PTPN4: variants seen among roughly 807,000 people sequenced by gnomAD.
The protein encoded by PTPN4 is protein tyrosine phosphatase non-receptor type 4, also known as tyrosine-protein phosphatase non-receptor type 4.
PTPN4 carries 49 observed loss-of-function variants against 135.5 expected under a neutral mutation model. That is an observed-to-expected ratio of 0.36 (90% confidence interval 0.29 to 0.46). PTPN4 has a LOEUF of 0.46. Ranked by LOEUF, PTPN4 falls within the 20% of genes least tolerant of loss-of-function variation. PTPN4 has a pLI of 1.00. For synonymous variants in PTPN4, 333 were observed against 369.9 expected (o/e 0.90, Z 1.14); for missense variants, 860 against 1,101.0 (o/e 0.78, Z 3.10).
chr2:119,927,767 G>A (rs1394230381), intron 13 of PTPN4, among the ~76,000 whole-genome samples: 1 of 152,176 alleles, frequency 6.6e-6, no homozygotes, highest in Non-Finnish European at 1.5e-5. Context: ...TTAGAGGCTT[G>A]AGTTTTAATA....
intron 2 of PTPN4, among the ~76,000 whole-genome samples, chr2:119,859,179 C>T (rs994550633): frequency 1.2e-4 from 18 of 152,196 alleles, no homozygotes; most frequent in African/African-American, 4.1e-4. Flanking sequence ...TCCATTGAAA[C>T]ATTTTTTTCT....
intron 2 of PTPN4, among the ~76,000 whole-genome samples, chr2:119,837,074 C>G (rs1349778945): frequency 6.6e-6 from 1 of 152,214 alleles, no homozygotes; most frequent in East Asian, 1.9e-4. Flanking sequence ...AGCATGGGGG[C>G]TGGGCTGTCA....
chr2:119,905,043 A>AAAAC (rs1300037420), intron 10 of PTPN4, among the ~76,000 whole-genome samples: 1 of 130,422 alleles, frequency 7.7e-6, no homozygotes, highest in Non-Finnish European at 1.8e-5. Flanking sequence ...TACAAAAAAA[A>AAAAC]AAAAAACAAA....
chr2:119,877,829 T>C (rs1425900631), intron 5 of PTPN4, among the ~76,000 whole-genome samples: 2 of 152,322 alleles, frequency 1.3e-5, no homozygotes. Flanking sequence ...GTGGCTATAA[T>C]TAATTGAGGT....
At chr2:119,902,070 T>C (rs192226064) in intron 10 of PTPN4, among the ~76,000 whole-genome samples, 85 of 152,324 alleles carry the variant, frequency 5.6e-4, no homozygotes, top group Non-Finnish European at 1.1e-3. Context: ...GAATCACAGA[T>C]GCAGAAAGTT....
intron 13 of PTPN4, among the ~76,000 whole-genome samples, chr2:119,929,326 T>A (rs182865125): frequency 2.0e-5 from 3 of 152,222 alleles, no homozygotes; most frequent in African/African-American, 7.2e-5. Context: ...TTTATTAAAG[T>A]ACCAGATAAC....
At chr2:119,766,453 T>G (rs11896664) in intron 1 of PTPN4, among the ~76,000 whole-genome samples, 1 of 127,250 alleles carries the variant, frequency 7.9e-6, no homozygotes, top group Non-Finnish European at 1.7e-5. Flanking sequence ...TGCGCGCGTG[T>G]GTGTGTGTGT....
chr2:119,967,998 T>A, intron 26 of PTPN4, 26 bp downstream of exon 26: 7 of 1,476,352 alleles, frequency 4.7e-6, no homozygotes, highest in Non-Finnish European at 6.4e-6. Context: ...TATATACAAG[T>A]GTATATTCTT....
chr2:119,853,299 T>C (rs1483067102), intron 2 of PTPN4, among the ~76,000 whole-genome samples: 13 of 152,206 alleles, frequency 8.5e-5, no homozygotes, highest in Non-Finnish European at 1.5e-5. Context: ...TTACTAGTTT[T>C]ATGACTTTAT....
intron 1 of PTPN4, among the ~76,000 whole-genome samples, chr2:119,775,011 C>CAA (rs775515039): frequency 1.6e-5 from 2 of 125,120 alleles, no homozygotes; most frequent in African/African-American, 6.1e-5. Context: ...AGCGAGACTG[C>CAA]TAAAAAAAAA....
chr2:119,879,689 C>A (rs1678042546), intron 5 of PTPN4, among the ~76,000 whole-genome samples: 1 of 152,110 alleles, frequency 6.6e-6, no homozygotes, highest in South Asian at 2.1e-4. Flanking sequence ...GCTTGAGTAG[C>A]CTTAATGTGA....
chr2:119,775,023 TAAAAA>T (rs1690805660), intron 1 of PTPN4, among the ~76,000 whole-genome samples: 1 of 88,722 alleles, frequency 1.1e-5, no homozygotes, highest in Non-Finnish European at 2.2e-5. Context: ...AAAAAAAAAA[TAAAAA>T]GAAAATCATT....
intron 9 of PTPN4, among the ~76,000 whole-genome samples, chr2:119,894,041 C>A (rs1678281776): frequency 6.6e-6 from 1 of 152,056 alleles, no homozygotes; most frequent in South Asian, 2.1e-4. Context: ...TATGTTAATC[C>A]CATTTAATCC....
chr2:119,922,176 A>G (rs890794054), intron 12 of PTPN4, among the ~76,000 whole-genome samples: 1 of 150,418 alleles, frequency 6.6e-6, no homozygotes, highest in Admixed American at 6.7e-5. Flanking sequence ...GGAAATTTGT[A>G]CCATAAATAT....
At chr2:119,933,029 C>T (rs1678928655) in intron 14 of PTPN4, among the ~76,000 whole-genome samples, 1 of 152,112 alleles carries the variant, frequency 6.6e-6, no homozygotes, top group Non-Finnish European at 1.5e-5. Flanking sequence ...GCACCAGTCC[C>T]CATAAGCTTA....
At chr2:119,907,902 G>C (rs1678513043) in intron 10 of PTPN4, among the ~76,000 whole-genome samples, 1 of 152,116 alleles carries the variant, frequency 6.6e-6, no homozygotes, top group Non-Finnish European at 1.5e-5. Context: ...GGTATCTATT[G>C]CAGAAGAATG....
intron 12 of PTPN4, among the ~76,000 whole-genome samples, chr2:119,922,062 A>T (rs1196615604): frequency 6.6e-6 from 1 of 152,178 alleles, no homozygotes; most frequent in Non-Finnish European, 1.5e-5. Flanking sequence ...CAAGGAAGTT[A>T]CCCAAACCAT....
chr2:119,768,318 T>C (rs1690671280), intron 1 of PTPN4, among the ~76,000 whole-genome samples: 1 of 152,178 alleles, frequency 6.6e-6, no homozygotes. Context: ...ATCCCAGCTC[T>C]GAAATCATTT....
intron 1 of PTPN4, among the ~76,000 whole-genome samples, chr2:119,775,780 G>A (rs1226402712): frequency 6.6e-6 from 1 of 151,478 alleles, no homozygotes; most frequent in African/African-American, 2.4e-5. Flanking sequence ...AGTCAGTCAG[G>A]GAACTCATAA....
Sources: gnomAD v4.1 joint callset for allele counts (sites outside exome capture counted in the v4.1 genomes callset) on GRCh38, gnomAD v4.1.1 for gene constraint, MANE v1.5 for transcripts, NCBI Gene and HGNC (gene_info 2026-07-23, HGNC 2026-07-21) for gene names.